Variants in DNAAF11 observed in about 807,000 individuals in gnomAD.
The protein encoded by DNAAF11 is dynein axonemal assembly factor 11.
Under a neutral mutation model 60.8 loss-of-function variants are expected in DNAAF11, and 45 were observed. That is an observed-to-expected ratio of 0.74 (90% CI 0.58 to 0.95). The LOEUF is 0.95. DNAAF11 is among the 40% of genes least tolerant of loss of function. DNAAF11 has a pLI of 0.00. For synonymous variants in DNAAF11, 191 were observed against 183.5 expected (o/e 1.04, Z -0.33); for missense variants, 546 against 546.2 (o/e 1.00, Z 0.00).
At chr8:132,574,227 G>A (rs2738430) in intron 11 of DNAAF11, among the ~76,000 whole-genome samples, 2 of 152,204 alleles carry the variant, frequency 1.3e-5, no homozygotes, top group Non-Finnish European at 2.9e-5. Flanking sequence ...TGACTGTGCA[G>A]AAAACAGTAA....
chr8:132,586,536 A>T (rs1046701081), intron 10 of DNAAF11, among the ~76,000 whole-genome samples: 1 of 152,134 alleles, frequency 6.6e-6, no homozygotes, highest in Non-Finnish European at 1.5e-5. Flanking sequence ...CCTTGTCCAT[A>T]CCAACTACCC....
chr8:132,699,650 A>C, the DNAAF11 span, among the ~76,000 whole-genome samples: 8 of 151,960 alleles, frequency 5.3e-5, no homozygotes, highest in African/African-American at 1.7e-4. Context: ...TTTCAAGAGC[A>C]CTTCACAACC....
chr8:132,632,783 C>A lies in DNAAF11; in HGVS notation c.610G>T (p.Ala204Ser), dbSNP rs772453135. 4.3e-6 allele frequency: 7 copies of A among 1,613,792 alleles called. No individual in the cohort carries two copies. The highest frequency in any genetic ancestry group is 5.9e-6 in the Non-Finnish European group (7 of 1,179,750). The change falls in exon 5 of 12, where the codon GCA becomes TCA. Residue 204 changes from alanine (A) to serine (S), a missense_variant. By Grantham distance (99) the Ala-to-Ser change is moderately conservative. Coordinates refer to ENST00000620350, the MANE Select transcript of DNAAF11 (RefSeq NM_012472.6). ...EDKNEDKRSNAGFDGRWYTDI... is the reference protein window; with the variant it reads ...EDKNEDKRSNSGFDGRWYTDI... ...GTGTACCAACGTCCATCAAAGCCTG[C>A]GTTACTTCTCTTGTCTTCATTTTTA...
chr8:132,592,063 C>G (rs1816521633), intron 10 of DNAAF11, among the ~76,000 whole-genome samples: 1 of 151,944 alleles, frequency 6.6e-6, no homozygotes. Context: ...TTCCAAATAG[C>G]CAATATCCTC....
At position 132,572,439 on chromosome 8, in the gene DNAAF11, T is replaced by C. The variant is rs1030551584; in HGVS notation, c.1268A>G (p.His423Arg). 4.1e-5 allele frequency: 66 copies of C among 1,611,680 alleles called. No individual in the cohort carries two copies. Among genetic ancestry groups the C allele is most frequent in the Middle Eastern group, 3.3e-4 (2 of 6,074 alleles). Reference sequence around the variant, plus strand: ...TATGTTAGTCACATCAGGGAATGAGTGCTTGCTAGGGTCTACTTCTAGTTT... The same window carrying C: ...TATGTTAGTCACATCAGGGAATGAGCGCTTGCTAGGGTCTACTTCTAGTTT... ...MEKLEVDPSK[H>R]SFPDVTNIVQ... The change falls in exon 12 of 12, where the codon CAC (histidine) becomes CGC (arginine). Residue 423 changes from histidine to arginine, a missense_variant. Coordinates refer to ENST00000620350, the MANE Select transcript of DNAAF11 (RefSeq NM_012472.6).
chr8:132,599,075 AGG>A (rs1817322445), intron 10 of DNAAF11, among the ~76,000 whole-genome samples: 2 of 152,058 alleles, frequency 1.3e-5, no homozygotes, highest in East Asian at 1.9e-4. Context: ...GATGCAATAA[AGG>A]ATGATAAAGG....
At chr8:132,574,755 C>CTAG (rs1814565535) in intron 11 of DNAAF11, among the ~76,000 whole-genome samples, 1 of 152,132 alleles carries the variant, frequency 6.6e-6, no homozygotes, top group African/African-American at 2.4e-5. Flanking sequence ...TTGTTGAGCC[C>CTAG]CATGCTAAGG....
intron 1 of DNAAF11, among the ~76,000 whole-genome samples, chr8:132,666,705 T>A (rs182655363): frequency 6.6e-6 from 1 of 152,308 alleles, no homozygotes; most frequent in East Asian, 1.9e-4. Flanking sequence ...AGCAAGTGTA[T>A]CTTCTTTCAC....
chr8:132,653,310 T>A (rs1460680416), intron 3 of DNAAF11, among the ~76,000 whole-genome samples: 3 of 152,084 alleles, frequency 2.0e-5, no homozygotes, highest in Admixed American at 1.3e-4. Context: ...CCTTCAAAAA[T>A]GGAAAATAAA....
chr8:132,676,349 A>G (rs1286847633), upstream of DNAAF11, among the ~76,000 whole-genome samples: 1 of 152,214 alleles, frequency 6.6e-6, no homozygotes, highest in Non-Finnish European at 1.5e-5. Flanking sequence ...TCTTAGTGTT[A>G]GCACTTTAAT....
Position 132,571,402 on chromosome 8 carries a change from G to A in DNAAF11, c.*904C>T, listed in dbSNP as rs567739187. 4.9e-4 allele frequency among the ~76,000 whole-genome samples: 75 copies of A among 152,216 alleles called. No homozygotes were observed. The highest frequency in any genetic ancestry group is 1.8e-3 in the African/African-American group (75 of 41,518). On this transcript the variant is annotated 3_prime_UTR_variant, in exon 12 of 12. Transcript: ENST00000620350. ...CAGTAATTTGTCCTACAATGTATGT[G>A]AAATATTGAATTCATAATGTTCTAG...
chr8:132,675,762 A>G, upstream of DNAAF11: 1 of 410,546 alleles, frequency 2.4e-6, no homozygotes, highest in East Asian at 3.6e-5. Flanking sequence ...GACTTGCCAC[A>G]GACTGCTTCC....
At chr8:132,607,258 T>G (rs562202616) in intron 10 of DNAAF11, among the ~76,000 whole-genome samples, 1 of 152,350 alleles carries the variant, frequency 6.6e-6, no homozygotes, top group East Asian at 1.9e-4. Context: ...ACAGTGACCC[T>G]TGTTAAAACG....
intron 10 of DNAAF11, among the ~76,000 whole-genome samples, chr8:132,595,605 T>C (rs1161872118): frequency 6.6e-6 from 1 of 152,158 alleles, no homozygotes; most frequent in Non-Finnish European, 1.5e-5. Context: ...AACAACCACG[T>C]TGAAATAATT....
intron 10 of DNAAF11, among the ~76,000 whole-genome samples, chr8:132,603,980 C>G (rs1817895691): frequency 2.6e-5 from 4 of 152,078 alleles, no homozygotes; most frequent in Admixed American, 6.6e-5. Context: ...GGCCAGGTTG[C>G]ACAAGGGGAT....
Position 132,645,041 on chromosome 8 carries a change from G to C in DNAAF11, c.257-6934C>G, listed in dbSNP as rs1419439614. 2.0e-5 allele frequency among the ~76,000 whole-genome samples: 3 copies of C among 152,154 alleles called. No homozygotes were observed. The East Asian group carries it at 5.8e-4, about 29-fold the overall frequency. ...GAATGGACAATCTGCCTCCTCAAGT[G>C]GGTCCCTGACCCCTGGGGAGCCCAA... On this transcript the variant is annotated intron_variant, in intron 3 of 11. Coordinates refer to ENST00000620350, the MANE Select transcript of DNAAF11 (RefSeq NM_012472.6).
intron 5 of DNAAF11, among the ~76,000 whole-genome samples, chr8:132,631,619 C>T (rs745406222): frequency 6.6e-6 from 1 of 152,186 alleles, no homozygotes; most frequent in East Asian, 1.9e-4. Context: ...ATATCAAACA[C>T]GCACCAGCTT....
the DNAAF11 span, among the ~76,000 whole-genome samples, chr8:132,686,816 T>G: frequency 6.6e-6 from 1 of 152,160 alleles, no homozygotes; most frequent in Non-Finnish European, 1.5e-5. Flanking sequence ...GGAGAAGGAA[T>G]GGATTTGAAG....
upstream of DNAAF11, among the ~76,000 whole-genome samples, chr8:132,676,058 A>G (rs145875098): frequency 1.1e-3 from 175 of 152,316 alleles, no homozygotes; most frequent in African/African-American, 4.1e-3. Context: ...TATGAAAACA[A>G]CAGGCTCACT....
Sources: gnomAD v4.1 joint callset for allele counts (sites outside exome capture counted in the v4.1 genomes callset) on GRCh38, gnomAD v4.1.1 for gene constraint, MANE v1.5 for transcripts, NCBI Gene and HGNC (gene_info 2026-07-23, HGNC 2026-07-21) for gene names.